The following SSPN variants were observed in gnomAD, a reference collection of about 807,000 sequenced individuals.
The protein encoded by SSPN is sarcospan.
SSPN carries 15 observed loss-of-function variants against 19.1 expected under a neutral mutation model. The observed-to-expected ratio is 0.78, with a 90% confidence interval of 0.52 to 1.21. SSPN has a LOEUF of 1.21. Ranked by LOEUF, SSPN falls within the 50% of genes most tolerant of loss-of-function variation. The pLI, the probability that SSPN is intolerant of heterozygous loss-of-function variation, is 0.00. For synonymous variants in SSPN, 147 were observed against 140.3 expected (o/e 1.05, Z -0.34); for missense variants, 291 against 314.0 (o/e 0.93, Z 0.55).
At chr12:26,219,871 A>G (rs1362558792) in intron 1 of SSPN, among the ~76,000 whole-genome samples, 1 of 152,124 alleles carries the variant, frequency 6.6e-6, no homozygotes, top group Non-Finnish European at 1.5e-5. Context: ...TGGTCCAACA[A>G]GCGCCTTCTT....
intron 1 of SSPN, among the ~76,000 whole-genome samples, chr12:26,160,526 C>T (rs977054558): frequency 1.3e-5 from 2 of 152,176 alleles, no homozygotes; most frequent in African/African-American, 4.8e-5. Flanking sequence ...TGCTGTCAGT[C>T]ACTTTGAAAA....
rs377617702 is a variant in SSPN, at chr12:26,166,274, A to G, written c.-31+44122A>G. 1.1e-3 allele frequency among the ~76,000 whole-genome samples: 167 copies of G among 152,352 alleles called. 1 individual carries two copies. Among genetic ancestry groups the G allele is most frequent in the African/African-American group, 3.6e-3 (151 of 41,586 alleles). On this transcript the variant is annotated intron_variant, in intron 1 of 2. Coordinates refer to the SSPN transcript ENST00000538142. ...ATCCCAGAACTTAAAGTATAATAAT[A>G]ATAAAAAAAAGTATATGGTTACTGG...
intron 1 of SSPN, among the ~76,000 whole-genome samples, chr12:26,222,258 A>C (rs1488815486): frequency 6.6e-6 from 1 of 152,262 alleles, no homozygotes; most frequent in Non-Finnish European, 1.5e-5. Context: ...AACAGTCTAT[A>C]GTAAGAGAAG....
In SSPN at chr12:26,195,641, G is replaced by GCTCCCCCCCC; in HGVS notation, c.-31_-30insTCCCCCCCCC. On this transcript the variant is annotated 5_prime_UTR_variant, in exon 1 of 3. Coordinates refer to ENST00000242729, the MANE Select transcript of SSPN (RefSeq NM_005086.5). The stretch of plus-strand genomic sequence containing the variant: ...CTCCAGGGCCCAGGGCGCCGCACAC[G>GCTCCCCCCCC]CACCCACCCACCCACCCAGCCTCGC... 9.0e-7 allele frequency: 1 copy of GCTCCCCCCCC among 1,105,400 alleles called. No individual in the cohort carries two copies. The highest frequency in any genetic ancestry group is 1.1e-6 in the Non-Finnish European group (1 of 878,118). The allele number at this position is 1,105,400 out of a possible 1,614,324, so 68.5% of individuals were successfully genotyped here.
rs191516725 is a variant in SSPN, at chr12:26,161,179, T to C, written c.-31+39027T>C. On this transcript the variant is annotated intron_variant, in intron 1 of 2. Transcript: ENST00000538142. ...CCCTCTGCTTAAAACCTTGCATGGC[T>C]TCCGTTTTACTGACAGTAAAATTCA... 4.9e-4 allele frequency among the ~76,000 whole-genome samples: 75 copies of C among 151,932 alleles called. No homozygotes were observed. In the East Asian group the frequency reaches 0.013, roughly 27 times the overall value.
chr12:26,199,394 C>A (rs542399186), intron 1 of SSPN, among the ~76,000 whole-genome samples: 11 of 152,210 alleles, frequency 7.2e-5, no homozygotes, highest in Admixed American at 5.9e-4. Flanking sequence ...GGAAAAAAAC[C>A]CAGAATGGAG....
chr12:26,195,458 C>T (rs1052465381), upstream of SSPN: 8 of 846,062 alleles, frequency 9.5e-6, no homozygotes, highest in Non-Finnish European at 1.3e-5. Context: ...CGCTGCGTCC[C>T]GGCGCGTTGG....
intron 1 of SSPN, among the ~76,000 whole-genome samples, chr12:26,172,219 A>G (rs1318028272): frequency 2.0e-5 from 3 of 152,202 alleles, no homozygotes; most frequent in Admixed American, 1.3e-4. Flanking sequence ...TATTCAGCGT[A>G]AAGTATACAT....
rs73292971 is a variant in SSPN at position 26,188,918 on chromosome 12, T to C, written c.-30-35375T>C. Among the ~76,000 whole-genome samples, 600 of 152,284 alleles carry C rather than the reference T, an allele frequency of 3.9e-3. 5 individuals are homozygous for C. The highest frequency in any genetic ancestry group is 0.014 in the African/African-American group (573 of 41,562). On this transcript the variant is annotated intron_variant, in intron 1 of 2. Coordinates refer to the SSPN transcript ENST00000538142. ...ATTGCCTATAAGTGCAATGTACTTA[T>C]GCAATTTTTTTGAACAATAAAAAAA...
In SSPN at chr12:26,129,403, T is replaced by G. The variant is rs145596343; in HGVS notation, c.-31+7251T>G. On this transcript the variant is annotated intron_variant, in intron 1 of 2. Coordinates refer to the SSPN transcript ENST00000538142. ...AAGCTTCCCTAGGAATTTCGGCTCT[T>G]GGCATGCACACCTACTCTCAAGGGA... Among the ~76,000 whole-genome samples the G allele has an allele frequency of 3.0e-3, 459 of 152,252 alleles. 8 individuals carry two copies. The highest frequency in any genetic ancestry group is 0.011 in the African/African-American group (446 of 41,542).
chr12:26,195,672 C>A lies in SSPN; in HGVS notation c.-1C>A. 2 of 1,328,656 alleles carry A rather than the reference C, an allele frequency of 1.5e-6. No individual in the cohort carries two copies. The highest frequency in any genetic ancestry group is 1.9e-6 in the Non-Finnish European group (2 of 1,044,162). 82.3% of individuals were successfully genotyped at this position (1,328,656 alleles called of 1,614,324 possible). On this transcript the variant is annotated 5_prime_UTR_variant, in exon 1 of 3. Coordinates refer to ENST00000242729, the MANE Select transcript of SSPN (RefSeq NM_005086.5). ...ACCCACCCACCCAGCCTCGCAGCGC[C>A]ATGGGCAAGAACAAGCAGCCACGCG...
chr12:26,216,485 G>A, intron 1 of SSPN, among the ~76,000 whole-genome samples: 1 of 116,572 alleles, frequency 8.6e-6, no homozygotes, highest in Admixed American at 9.3e-5. Context: ...CCCTTTGTCA[G>A]ATGAGTAGCT....
chr12:26,196,703 C>T (rs548983536), intron 1 of SSPN, among the ~76,000 whole-genome samples: 2 of 152,310 alleles, frequency 1.3e-5, no homozygotes, highest in East Asian at 1.9e-4. Flanking sequence ...ACTGTGTGCT[C>T]GCCCTGCTAG....
At chr12:26,182,585 TTCCCTTCCCTTCCCTTCCCTTCCCTTCCC>T (rs1479149108) in intron 1 of SSPN, among the ~76,000 whole-genome samples, 1 of 18,238 alleles carries the variant, frequency 5.5e-5, no homozygotes, top group Non-Finnish European at 1.2e-4. Context: ...CCCCTTCCCC[TTCCCTTCCCTTCCCTTCCCTTCCCTTCCC>T]TTCCCTTCCC....
Position 26,197,394 on chromosome 12 carries a change from A to T in SSPN, c.279+1443A>T, listed in dbSNP as rs1944839456. On this transcript the variant is annotated intron_variant, in intron 1 of 2. Transcript: ENST00000242729. ...CAAGTGATTTTAAAAATAGCTTTTC[A>T]GTAAGATATACTGGGTATTTCAGGC... Among the ~76,000 whole-genome samples the T allele has an allele frequency of 2.6e-5, 4 of 152,360 alleles. No homozygotes were observed. The South Asian group carries it at 8.3e-4, about 32-fold the overall frequency.
At chr12:26,122,406 C>A (rs1944317275) in intron 1 of SSPN, 7 of 1,304,824 alleles carry the variant, frequency 5.4e-6, no homozygotes, top group Non-Finnish European at 6.9e-6. Context: ...CTCCAGGCCG[C>A]TCTTGTCCAG....
intron 2 of SSPN, among the ~76,000 whole-genome samples, chr12:26,229,908 T>C (rs1475601761): frequency 6.6e-6 from 1 of 152,192 alleles, no homozygotes; most frequent in Non-Finnish European, 1.5e-5. Context: ...GTAAGCTAAA[T>C]CCCTAAATTG....
At chr12:26,201,976 T>C (rs1343126414) in intron 1 of SSPN, among the ~76,000 whole-genome samples, 1 of 152,148 alleles carries the variant, frequency 6.6e-6, no homozygotes, top group East Asian at 1.9e-4. Context: ...CTGCAGGGGA[T>C]TGGTACTGGG....
upstream of SSPN, among the ~76,000 whole-genome samples, chr12:26,191,863 C>G (rs1313298347): frequency 6.6e-6 from 1 of 152,066 alleles, no homozygotes; most frequent in African/African-American, 2.4e-5. Context: ...TAAATCAAAT[C>G]TAATTGAACA....
Sources: gnomAD v4.1 joint callset for allele counts (sites outside exome capture counted in the v4.1 genomes callset) on GRCh38, gnomAD v4.1.1 for gene constraint, MANE v1.5 for transcripts, NCBI Gene and HGNC (gene_info 2026-07-23, HGNC 2026-07-21) for gene names.